The following TBCD variants were observed in gnomAD, a reference collection of about 807,000 sequenced individuals.
TBCD encodes the protein tubulin-specific chaperone D.
A neutral mutation model predicts 169.3 loss-of-function variants in TBCD; 105 were observed. The ratio of observed to expected loss-of-function variants is 0.62; its 90% CI spans 0.53 to 0.73. TBCD has a LOEUF of 0.73. Ranked by LOEUF, TBCD falls within the 30% of genes least tolerant of loss-of-function variation. The pLI, the probability that TBCD is intolerant of heterozygous loss-of-function variation, is 0.00. For synonymous variants in TBCD, 700 were observed against 643.9 expected (o/e 1.09, Z -1.32); for missense variants, 1,444 against 1,600.1 (o/e 0.90, Z 1.66).
chr17:82,850,688 CCTACAGTATGGCTGTG>C, intron 13 of TBCD, among the ~76,000 whole-genome samples: 1 of 152,266 alleles, frequency 6.6e-6, no homozygotes, highest in African/African-American at 2.4e-5. Context: ...CCCCGGACCC[CCTACAGTATGGCTGTG>C]CATGGACTGG....
chr17:82,861,223 C>T (rs2056732513), intron 13 of TBCD, among the ~76,000 whole-genome samples: 1 of 151,938 alleles, frequency 6.6e-6, no homozygotes, highest in Non-Finnish European at 1.5e-5. Context: ...CCCACCCAGT[C>T]CTGCCAGGCG....
intron 21 of TBCD, chr17:82,908,536 ATTC>A (rs1225580755): frequency 1.2e-5 from 4 of 322,324 alleles, no homozygotes; most frequent in African/African-American, 2.2e-5. Flanking sequence ...ATAGCTTTAT[ATTC>A]TTTAAGATTC....
Position 82,853,477 on chromosome 17 carries a change from A to G in TBCD, c.1319-16747A>G, listed in dbSNP as rs188551314. On this transcript the variant is annotated intron_variant, in intron 13 of 38. Transcript: ENST00000355528. ...GAGTGCAGTGGCTCACTCACGGCTCACTGTAGCTTTGAACTCATGGGCTAG... is the reference window on the plus strand; with the variant it reads ...GAGTGCAGTGGCTCACTCACGGCTCGCTGTAGCTTTGAACTCATGGGCTAG... Among the ~76,000 whole-genome samples the G allele has an allele frequency of 1.5e-3, 222 of 151,404 alleles. 1 individual carries two copies. In the Middle Eastern group the frequency reaches 0.024, roughly 16 times the overall value.
At chr17:82,767,506 A>G (rs1258840241) in intron 4 of TBCD, among the ~76,000 whole-genome samples, 1 of 152,110 alleles carries the variant, frequency 6.6e-6, no homozygotes, top group South Asian at 2.1e-4. Context: ...CAATGGCACA[A>G]TCTTGGCTCA....
chr17:82,929,061 C>A, intron 30 of TBCD, 52 bp from the exon 31 acceptor site: 2 of 1,580,718 alleles, frequency 1.3e-6, no homozygotes, highest in Non-Finnish European at 1.7e-6. Flanking sequence ...GTTTACCGCC[C>A]GCTCTTAATT....
intron 13 of TBCD, among the ~76,000 whole-genome samples, chr17:82,825,643 T>G (rs759351308): frequency 6.6e-6 from 1 of 152,150 alleles, no homozygotes; most frequent in Non-Finnish European, 1.5e-5. Context: ...CCCCTTGGAA[T>G]TGTGACAAAC....
Position 82,831,675 on chromosome 17 carries a change from C to G in TBCD, c.1318+16741C>G, listed in dbSNP as rs749599770. ...CACACTCAGGCGAGCTCCCAGCCAGCAGGTAAGGCGAGTAGATGGTGGCCA... is the reference window on the plus strand; with the variant it reads ...CACACTCAGGCGAGCTCCCAGCCAGGAGGTAAGGCGAGTAGATGGTGGCCA... On this transcript the variant is annotated intron_variant, in intron 13 of 38. Coordinates refer to ENST00000355528, the MANE Select transcript of TBCD (RefSeq NM_005993.5). This position sits in a 1 kb window ranked among gnomAD's most constrained non-coding sequence, Gnocchi z 4.6. 3 of 1,614,054 alleles carry G rather than the reference C, an allele frequency of 1.9e-6. No homozygotes were observed. The Admixed American group carries it at 5.0e-5, about 27-fold the overall frequency.
chr17:82,897,157 T>C lies in TBCD; in HGVS notation c.1650-3494T>C, dbSNP rs971100237. Among the ~76,000 whole-genome samples, 4 of 152,280 alleles carry C rather than the reference T, an allele frequency of 2.6e-5. No individual in the cohort carries two copies. The East Asian group carries it at 7.7e-4, about 29-fold the overall frequency. On this transcript the variant is annotated intron_variant, in intron 17 of 38. Transcript: ENST00000355528. ...TTTTCAGATGCTTCCTTGCTACATA[T>C]TTCCTCCTGCTCCGTGGCTTTCCCT... is the stretch of plus-strand genomic sequence containing the variant.
chr17:82,927,865 C>A, intron 29 of TBCD, 40 bp from the exon 30 acceptor site: 1 of 1,586,536 alleles, frequency 6.3e-7, no homozygotes, highest in Non-Finnish European at 8.6e-7. Context: ...TGGAACCCCC[C>A]TCTCAAGCTG....
At chr17:82,791,784 A>G (rs911268476) in intron 7 of TBCD, among the ~76,000 whole-genome samples, 3 of 152,192 alleles carry the variant, frequency 2.0e-5, no homozygotes, top group African/African-American at 7.2e-5. Context: ...AGTCCTGAGA[A>G]CTGCGTCGTT....
chr17:82,885,570 G>T (rs2058660852), intron 15 of TBCD, among the ~76,000 whole-genome samples: 1 of 152,002 alleles, frequency 6.6e-6, no homozygotes, highest in African/African-American at 2.4e-5. Flanking sequence ...TCACATTTTT[G>T]CCCTGCTATT....
At position 82,907,813 on chromosome 17, in the gene TBCD, C is replaced by T; in HGVS notation, c.1975C>T (p.His659Tyr). 6.2e-7 allele frequency: 1 copy of T among 1,613,478 alleles called. No homozygotes were observed. Among genetic ancestry groups the T allele is most frequent in the African/African-American group, 1.3e-5 (1 of 75,052 alleles). ...EQAVQGLKQI[H>Y]QQLYDRQLYR... ...GGCAGTGCAGGGCCTGAAGCAGATT[C>T]ACCAGCAGGTTTGTGTGCAGCCTCT... The change falls in exon 21 of 39, where the codon CAC becomes TAC. Residue 659 changes from histidine (H) to tyrosine (Y), a missense_variant. By Grantham distance (83) the His-to-Tyr change is moderately conservative (BLOSUM62 2). Transcript: ENST00000355528.
At chr17:82,826,229 T>C (rs1814228716) in intron 13 of TBCD, among the ~76,000 whole-genome samples, 1 of 151,964 alleles carries the variant, frequency 6.6e-6, no homozygotes, top group African/African-American at 2.4e-5. Context: ...TGACCTTTTT[T>C]TTTTATTATT....
rs1333779178 is a variant in TBCD, at chr17:82,805,929, T to G, written c.1005T>G (p.Gly335=). ...LAANLQLLTQ[G]QSEQKPLILT... ...CAAATCTGCAGCTCCTCACTCAGGG[T>G]CAGAGTGAGCAGAAGCCACTCATCC... The change falls in exon 10 of 39, where the codon GGT becomes GGG. Residue 335 remains glycine (G), a synonymous_variant. Transcript: ENST00000355528. The G allele has an allele frequency of 1.2e-6, 2 of 1,613,470 alleles. No homozygotes were observed. Among genetic ancestry groups the G allele is most frequent in the Non-Finnish European group, 1.7e-6 (2 of 1,179,670 alleles).
In TBCD at chr17:82,832,876, C is replaced by T. The variant is rs572491185; in HGVS notation, c.1318+17942C>T. Among the ~76,000 whole-genome samples, 20 of 152,346 alleles carry T rather than the reference C, an allele frequency of 1.3e-4. No homozygotes were observed. The highest frequency in any genetic ancestry group is 7.8e-4 in the Admixed American group (12 of 15,306). On this transcript the variant is annotated intron_variant, in intron 13 of 38. Coordinates refer to ENST00000355528, the MANE Select transcript of TBCD (RefSeq NM_005993.5). The surrounding 1 kb of genome is among the most constrained non-coding windows in gnomAD (Gnocchi z 4.9). Reference sequence around the variant, plus strand: ...TGAGTCTGATCTGAAAGAGTCACCTCGGGGCCTAGAGGTGGAGTGTGGTGT... The same window carrying T: ...TGAGTCTGATCTGAAAGAGTCACCTTGGGGCCTAGAGGTGGAGTGTGGTGT...
Position 82,900,633 on chromosome 17 carries a change from C to G in TBCD, c.1650-18C>G. Reference sequence around the variant, plus strand: ...CGTTCTTCCGCGTCTCACCACCTCTCCATGCTGTCTTTTCCAGTGTGTTTA... The same window carrying G: ...CGTTCTTCCGCGTCTCACCACCTCTGCATGCTGTCTTTTCCAGTGTGTTTA... On this transcript the variant is annotated intron_variant, in intron 17 of 38. Coordinates refer to ENST00000355528, the MANE Select transcript of TBCD (RefSeq NM_005993.5). 2 of 1,610,558 alleles carry G rather than the reference C, an allele frequency of 1.2e-6. No homozygotes were observed. Among genetic ancestry groups the G allele is most frequent in the Middle Eastern group, 1.7e-4 (1 of 6,052 alleles).
Position 82,880,307 on chromosome 17 carries a change from G to A in TBCD, c.1476-3838G>A, listed in dbSNP as rs1230463128. Among the ~76,000 whole-genome samples, 3 of 152,172 alleles carry A rather than the reference G, an allele frequency of 2.0e-5. No individual in the cohort carries two copies. Among genetic ancestry groups the A allele is most frequent in the Admixed American group, 1.3e-4 (2 of 15,278 alleles). ...ATGGAGCACAGGTGTAGCCAGGGCC[G>A]CTGGTGTGTACCACTGTGTTCGGCA... On this transcript the variant is annotated intron_variant, in intron 14 of 38. Coordinates refer to ENST00000355528, the MANE Select transcript of TBCD (RefSeq NM_005993.5). The surrounding 1 kb of genome is among the most constrained non-coding windows in gnomAD (Gnocchi z 5.0).
chr17:82,851,229 T>G (rs4986117), intron 13 of TBCD, among the ~76,000 whole-genome samples: 36,728 of 150,396 alleles, frequency 0.24, 4,481 homozygotes, highest in Middle Eastern at 0.31. Context: ...TATACAAATG[T>G]GTAAATCACA....
intron 13 of TBCD, chr17:82,865,457 G>A: frequency 1.0e-6 from 1 of 985,448 alleles, no homozygotes; most frequent in Non-Finnish European, 1.2e-6. Context: ...CCTGCCCACA[G>A]CCACCCTCTC....
Sources: gnomAD v4.1 joint callset for allele counts (sites outside exome capture counted in the v4.1 genomes callset) on GRCh38, gnomAD v4.1.1 for gene constraint, Gnocchi (gnomAD v3.1) non-coding constraint, MANE v1.5 for transcripts, NCBI Gene and HGNC (gene_info 2026-07-23, HGNC 2026-07-21) for gene names.